RNF150: variants seen among roughly 807,000 people sequenced by gnomAD.
The protein encoded by RNF150 is ring finger protein 150.
Under a neutral mutation model 39.3 loss-of-function variants are expected in RNF150, and 24 were observed. The ratio of observed to expected loss-of-function variants is 0.61; its 90% CI spans 0.44 to 0.86. The LOEUF is 0.86. Ranked by LOEUF, RNF150 falls within the 40% of genes least tolerant of loss-of-function variation. The pLI is 0.00. For missense variants in RNF150, 502 were observed against 587.8 expected, an observed-to-expected ratio of 0.85 and a Z score of 1.51; for synonymous variants, 255 against 227.3, an observed-to-expected ratio of 1.12 and a Z score of -1.10.
chr4:141,146,286 G>C (rs1162423226), intron 1 of RNF150, among the ~76,000 whole-genome samples: 2 of 152,208 alleles, frequency 1.3e-5, no homozygotes, highest in East Asian at 3.8e-4. Flanking sequence ...ATGTCTGCAG[G>C]AGAAACATTC....
rs1446906489 is a variant in RNF150 at position 140,999,959 on chromosome 4, A to C, written c.485-32086T>G. Among the ~76,000 whole-genome samples, 9 of 35,178 alleles carry C rather than the reference A, an allele frequency of 2.6e-4. No individual in the cohort carries two copies. The Admixed American group carries it at 4.6e-3, about 18-fold the overall frequency. 23.1% of individuals were successfully genotyped at this position (35,178 alleles called of 152,430 possible). ...TCTCAAAAAAAGAAGAAGAAGAAGA[A>C]GAAGAAGAAGAAGAAGAAAAGAAGA... On this transcript the variant is annotated intron_variant, in intron 1 of 6. Coordinates refer to ENST00000515673, the MANE Select transcript of RNF150 (RefSeq NM_020724.2).
chr4:140,921,346 A>G (rs13131377), intron 5 of RNF150, among the ~76,000 whole-genome samples: 83,090 of 151,040 alleles, frequency 0.55, 23,381 homozygotes, highest in East Asian at 0.89. Flanking sequence ...ACACCTCTAC[A>G]CGAATAAACT....
At chr4:141,144,227 A>C (rs556589475) in intron 1 of RNF150, among the ~76,000 whole-genome samples, 4 of 152,320 alleles carry the variant, frequency 2.6e-5, no homozygotes, top group Non-Finnish European at 5.9e-5. Context: ...TGTGAATTCC[A>C]ACCACTATTT....
chr4:140,986,027 A>G (rs751089356), intron 1 of RNF150, among the ~76,000 whole-genome samples: 8 of 152,136 alleles, frequency 5.3e-5, no homozygotes, highest in Non-Finnish European at 1.2e-4. Context: ...TCACAGGTTC[A>G]GTAATAATAT....
chr4:141,154,222 T>C (rs1727346278), intron 1 of RNF150, among the ~76,000 whole-genome samples: 1 of 152,204 alleles, frequency 6.6e-6, no homozygotes, highest in Admixed American at 6.5e-5. Flanking sequence ...AAAGACTCTG[T>C]GTCCAGTTGA....
At chr4:140,981,886 G>GT (rs1051515895) in intron 1 of RNF150, among the ~76,000 whole-genome samples, 7 of 152,136 alleles carry the variant, frequency 4.6e-5, no homozygotes, top group African/African-American at 1.4e-4. Context: ...CATTAACAAT[G>GT]TTTTTTGTCT....
At chr4:140,913,007 C>T (rs1277070087) in intron 5 of RNF150, among the ~76,000 whole-genome samples, 1 of 150,798 alleles carries the variant, frequency 6.6e-6, no homozygotes, top group Non-Finnish European at 1.5e-5. Context: ...GGCGTGGTGG[C>T]TCACGCCTGT....
At position 140,985,595 on chromosome 4, in the gene RNF150, T is replaced by C. The variant is rs1174066902; in HGVS notation, c.485-17722A>G. ...CCTTGAGCTTTATGAAATGTAAATA[T>C]AGATCAAGTATTACTAATGAAAATT... On this transcript the variant is annotated intron_variant, in intron 1 of 6. Transcript: ENST00000515673. 2.0e-5 allele frequency among the ~76,000 whole-genome samples: 3 copies of C among 152,252 alleles called. No homozygotes were observed. In the East Asian group the frequency reaches 5.8e-4, roughly 29 times the overall value.
chr4:140,882,867 G>A (rs1017820171), intron 6 of RNF150, among the ~76,000 whole-genome samples: 1 of 151,952 alleles, frequency 6.6e-6, no homozygotes, highest in African/African-American at 2.4e-5. Context: ...CATTTATTTA[G>A]TCTTTTGATC....
intron 1 of RNF150, among the ~76,000 whole-genome samples, chr4:140,999,496 T>C (rs1003596082): frequency 1.3e-5 from 2 of 152,150 alleles, no homozygotes; most frequent in African/African-American, 4.8e-5. Flanking sequence ...TATCCTACAG[T>C]TTAGGCATGC....
chr4:140,916,815 G>A (rs1256928494), intron 5 of RNF150, among the ~76,000 whole-genome samples: 1 of 152,166 alleles, frequency 6.6e-6, no homozygotes, highest in East Asian at 1.9e-4. Flanking sequence ...ACCCACAAAG[G>A]GAAGCCCATC....
chr4:141,129,670 A>G (rs557273821), intron 1 of RNF150, among the ~76,000 whole-genome samples: 1 of 152,334 alleles, frequency 6.6e-6, no homozygotes, highest in Admixed American at 6.5e-5. Context: ...ATAAAGCAAA[A>G]CTACTGGTCT....
At chr4:141,037,470 A>C (rs960792299) in intron 1 of RNF150, among the ~76,000 whole-genome samples, 1 of 152,334 alleles carries the variant, frequency 6.6e-6, no homozygotes, top group South Asian at 2.1e-4. Flanking sequence ...TAAGCTGTTG[A>C]GAATATTAAA....
Position 140,886,766 on chromosome 4 carries a change from C to T in RNF150, c.1199-18387G>A, listed in dbSNP as rs538860701. Among the ~76,000 whole-genome samples, 8 of 152,222 alleles carry T rather than the reference C, an allele frequency of 5.3e-5. No individual in the cohort carries two copies. In the East Asian group the frequency reaches 1.2e-3, roughly 22 times the overall value. On this transcript the variant is annotated intron_variant, in intron 6 of 6. Transcript: ENST00000515673. Reference sequence around the variant, plus strand: ...TCCCTGGTAGCTGGGACTACAGGTGCGTACCACCACAGCTAGCTAATTTTA... The same window carrying T: ...TCCCTGGTAGCTGGGACTACAGGTGTGTACCACCACAGCTAGCTAATTTTA...
At chr4:141,045,514 A>G (rs1736540796) in intron 1 of RNF150, among the ~76,000 whole-genome samples, 1 of 151,922 alleles carries the variant, frequency 6.6e-6, no homozygotes, top group South Asian at 2.1e-4. Flanking sequence ...ATATTTAGGA[A>G]CACATTCTTT....
chr4:141,062,371 G>GTA (rs1737270362), intron 1 of RNF150, among the ~76,000 whole-genome samples: 2 of 151,856 alleles, frequency 1.3e-5, no homozygotes, highest in African/African-American at 4.8e-5. Flanking sequence ...ATATGTATGT[G>GTA]TATATATATG....
chr4:141,039,619 C>T (rs1736281793), intron 1 of RNF150, among the ~76,000 whole-genome samples: 1 of 152,082 alleles, frequency 6.6e-6, no homozygotes, highest in African/African-American at 2.4e-5. Flanking sequence ...CTAACTGAGA[C>T]AGGCAGGGTG....
intron 1 of RNF150, among the ~76,000 whole-genome samples, chr4:141,100,671 T>A (rs982611969): frequency 6.6e-6 from 1 of 152,236 alleles, no homozygotes; most frequent in Non-Finnish European, 1.5e-5. Context: ...GTACGTCATG[T>A]GTTGCATAAC....
chr4:141,123,864 CT>C (rs770224231), intron 1 of RNF150, among the ~76,000 whole-genome samples: 16 of 152,168 alleles, frequency 1.1e-4, no homozygotes, highest in Non-Finnish European at 2.2e-4. Context: ...ATCCATGTCC[CT>C]ACAAAGGACA....
Sources: gnomAD v4.1 joint callset for allele counts (sites outside exome capture counted in the v4.1 genomes callset) on GRCh38, gnomAD v4.1.1 for gene constraint, MANE v1.5 for transcripts, NCBI Gene and HGNC (gene_info 2026-07-23, HGNC 2026-07-21) for gene names.